Variants in FBXO21 observed in about 807,000 individuals in gnomAD.
FBXO21 encodes F-box only protein 21.
A neutral mutation model predicts 76.6 loss-of-function variants in FBXO21; 32 were observed. That is an observed-to-expected ratio of 0.42 (90% CI 0.32 to 0.56). The LOEUF (loss-of-function observed/expected upper bound fraction) is 0.56, where lower values mean the gene tolerates loss of function less well. Ranked by LOEUF, FBXO21 falls within the 20% of genes least tolerant of loss-of-function variation. The probability of loss-of-function intolerance (pLI) is 0.16; values close to 1 mark genes in which losing one functional copy is unlikely to be tolerated. For missense variants in FBXO21, 586 were observed against 797.3 expected (o/e 0.73, Z 3.19); for synonymous variants, 328 against 311.5 (o/e 1.05, Z -0.56).
chr12:117,180,950 A>G (rs1404314383), intron 3 of FBXO21, among the ~76,000 whole-genome samples: 2 of 152,156 alleles, frequency 1.3e-5, no homozygotes, highest in Admixed American at 6.6e-5. Flanking sequence ...AATATTTTGC[A>G]TATGTTCTCC....
At chr12:117,151,613 G>GT (rs1955843374) in intron 11 of FBXO21, among the ~76,000 whole-genome samples, 1 of 152,156 alleles carries the variant, frequency 6.6e-6, no homozygotes, top group Non-Finnish European at 1.5e-5. Context: ...TTTAATATGT[G>GT]TTTTTAAAAT....
intron 2 of FBXO21, chr12:117,188,665 A>C (rs985260628): frequency 2.0e-5 from 3 of 151,678 alleles, no homozygotes; most frequent in Non-Finnish European, 2.9e-5. Context: ...AAAAAAAAAA[A>C]AACCCAAAAA....
At chr12:117,170,212 A>T (rs1331414516) in intron 7 of FBXO21, among the ~76,000 whole-genome samples, 1 of 152,118 alleles carries the variant, frequency 6.6e-6, no homozygotes, top group Non-Finnish European at 1.5e-5. Context: ...TGATGAAGAA[A>T]AAGATAACAT....
chr12:117,156,002 C>T, intron 10 of FBXO21, 54 bp from the exon 11 acceptor site: 5 of 1,571,398 alleles, frequency 3.2e-6, no homozygotes, highest in Non-Finnish European at 4.4e-6. Context: ...GCAACAACCT[C>T]CAGACAACCG....
At chr12:117,159,947 C>G (rs769648015) in intron 9 of FBXO21, among the ~76,000 whole-genome samples, 1 of 152,182 alleles carries the variant, frequency 6.6e-6, no homozygotes, top group Admixed American at 6.5e-5. Flanking sequence ...CGGGGCCTGG[C>G]GTATTTGCAG....
At chr12:117,185,840 A>G (rs745620828) in intron 3 of FBXO21, among the ~76,000 whole-genome samples, 1 of 152,164 alleles carries the variant, frequency 6.6e-6, no homozygotes, top group Admixed American at 6.5e-5. Flanking sequence ...GTGGAGAGGT[A>G]ATAATGAAGG....
At chr12:117,156,316 T>C (rs1301107243) in intron 10 of FBXO21, among the ~76,000 whole-genome samples, 1 of 152,086 alleles carries the variant, frequency 6.6e-6, no homozygotes, top group African/African-American at 2.4e-5. Context: ...GGAAGGTTTG[T>C]TAAAACAAGG....
chr12:117,156,238 T>C (rs983603517), intron 10 of FBXO21, among the ~76,000 whole-genome samples: 2 of 152,188 alleles, frequency 1.3e-5, no homozygotes, highest in Non-Finnish European at 2.9e-5. Context: ...CAATTCTCAG[T>C]ACAGCAAAGA....
chr12:117,174,440 A>G, intron 5 of FBXO21, 99 bp from the exon 6 acceptor site: 2 of 1,369,860 alleles, frequency 1.5e-6, no homozygotes, highest in African/African-American at 1.4e-5. Context: ...ATGGCCTAAC[A>G]ATATTAATCA....
intron 7 of FBXO21, among the ~76,000 whole-genome samples, chr12:117,167,469 G>T (rs1464848494): frequency 3.3e-5 from 5 of 152,136 alleles, no homozygotes; most frequent in African/African-American, 9.7e-5. Context: ...AACCTCAGCC[G>T]GGCGTGGTGG....
chr12:117,180,634 T>G (rs1956218439), intron 3 of FBXO21, among the ~76,000 whole-genome samples: 1 of 152,154 alleles, frequency 6.6e-6, no homozygotes, highest in South Asian at 2.1e-4. Flanking sequence ...CATCACTTTT[T>G]TTTTTCTTTT....
At chr12:117,181,674 G>A (rs1956235693) in intron 3 of FBXO21, among the ~76,000 whole-genome samples, 1 of 151,748 alleles carries the variant, frequency 6.6e-6, no homozygotes, top group Admixed American at 6.6e-5. Flanking sequence ...ATCTGAGACA[G>A]AGTCTCACTT....
At chr12:117,160,167 A>G (rs551802451) in intron 9 of FBXO21, among the ~76,000 whole-genome samples, 1 of 152,324 alleles carries the variant, frequency 6.6e-6, no homozygotes, top group East Asian at 1.9e-4. Flanking sequence ...GGGGCTACAC[A>G]GTCCCTGATT....
At chr12:117,169,985 G>C (rs1049063272) in intron 7 of FBXO21, among the ~76,000 whole-genome samples, 4 of 151,928 alleles carry the variant, frequency 2.6e-5, no homozygotes, top group Non-Finnish European at 5.9e-5. Context: ...CAGATACTAT[G>C]ATTATCCACA....
At chr12:117,155,592 A>G (rs1955905711) in intron 11 of FBXO21, 199 bp downstream of exon 11, 1 of 634,092 alleles carries the variant, frequency 1.6e-6, no homozygotes, top group African/African-American at 1.8e-5. Flanking sequence ...GGGTATGACT[A>G]CTGACCCCTC....
chr12:117,169,333 G>A (rs569931985), intron 7 of FBXO21, among the ~76,000 whole-genome samples: 84 of 152,164 alleles, frequency 5.5e-4, no homozygotes, highest in African/African-American at 1.7e-3. Context: ...GGTGGGCGGT[G>A]GGAGACGATA....
At chr12:117,170,145 G>GAAAAAAA (rs58416861) in intron 7 of FBXO21, among the ~76,000 whole-genome samples, 2 of 64,698 alleles carry the variant, frequency 3.1e-5, no homozygotes, top group East Asian at 3.6e-4. Context: ...ATTTACAACT[G>GAAAAAAA]AAAAAAAAAA....
chr12:117,174,948 A>G, intron 4 of FBXO21, 151 bp from the exon 5 acceptor site: 1 of 578,706 alleles, frequency 1.7e-6, no homozygotes, highest in East Asian at 3.1e-5. Flanking sequence ...CTGCTAACAC[A>G]CTGAGAAGGA....
At position 117,143,200 on chromosome 12, in the gene FBXO21, G is replaced by A. The variant is rs1488349995; in HGVS notation, c.*2887C>T. 6.6e-6 allele frequency: 1 copy of A among 152,164 alleles called. No individual in the cohort carries two copies. Among genetic ancestry groups the A allele is most frequent in the Non-Finnish European group, 1.5e-5 (1 of 68,032 alleles). The allele number at this position is 152,164 out of a possible 1,614,324, so 9.4% of individuals were successfully genotyped here. On this transcript the variant is annotated 3_prime_UTR_variant, in exon 12 of 12. Coordinates refer to ENST00000622495, the MANE Select transcript of FBXO21 (RefSeq NM_015002.3). ...CATGTCTGCAAACACCGGACCCCCGGGGACGGTGCGTGCGTGTAGGGGAGG... is the reference window on the plus strand; with the variant it reads ...CATGTCTGCAAACACCGGACCCCCGAGGACGGTGCGTGCGTGTAGGGGAGG...
Sources: allele counts gnomAD v4.1 joint callset (sites outside exome capture counted in the v4.1 genomes callset), GRCh38; gene constraint gnomAD v4.1.1; transcripts MANE v1.5; gene names NCBI Gene and HGNC (gene_info 2026-07-23, HGNC 2026-07-21).